FBXL22: variants seen among roughly 807,000 people sequenced by gnomAD.
FBXL22 encodes the protein F-box and leucine-rich protein 22.
In FBXL22, 13 loss-of-function variants were observed where a neutral mutation model predicts 11.7. The observed-to-expected ratio is 1.11, with a 90% CI of 0.73 to 1.77. The LOEUF (loss-of-function observed/expected upper bound fraction) is 1.77, where lower values mean the gene tolerates loss of function less well. Among genes scored for constraint, FBXL22 ranks in the 40% most tolerant of loss-of-function variants. FBXL22 has a pLI of 0.00. For synonymous variants in FBXL22, 160 were observed against 144.1 expected (o/e 1.11, Z -0.79); for missense variants, 406 against 320.4 (o/e 1.27, Z -2.04).
At chr15:63,607,057 CTTTT>C (rs71131174), downstream of FBXL22, among the ~76,000 whole-genome samples, 3,218 of 137,814 alleles carry the variant, frequency 0.023, 116 homozygotes, top group African/African-American at 0.078. Context: ...AGCACAGATG[CTTTT>C]TTTTTTTTTT....
At chr15:63,603,283 T>G (rs556767914), downstream of FBXL22, among the ~76,000 whole-genome samples, 4 of 152,306 alleles carry the variant, frequency 2.6e-5, no homozygotes, top group East Asian at 3.9e-4. Context: ...CTCAGCCCAT[T>G]TCTTGCATGC....
At chr15:63,602,422 A>C (rs2067384872), downstream of FBXL22, 1 of 151,788 alleles carries the variant, frequency 6.6e-6, no homozygotes, top group South Asian at 2.1e-4. Context: ...TCTGTACTAA[A>C]AAAAAATACA....
chr15:63,600,648 G>T (rs959232002), intron 1 of FBXL22, 49 bp from the exon 2 acceptor site: 57 of 1,231,058 alleles, frequency 4.6e-5, no homozygotes, highest in Non-Finnish European at 5.4e-5. Context: ...GGGCGGTTGG[G>T]TAGCTTTAAC....
chr15:63,601,450 G>A (rs753292194), downstream of FBXL22: 2 of 1,571,302 alleles, frequency 1.3e-6, no homozygotes, highest in East Asian at 4.6e-5. Context: ...CAGGGCTGCC[G>A]CGCGCAGGGG....
At chr15:63,603,248 C>T (rs2067394796), downstream of FBXL22, among the ~76,000 whole-genome samples, 1 of 152,086 alleles carries the variant, frequency 6.6e-6, no homozygotes, top group Non-Finnish European at 1.5e-5. Flanking sequence ...AGATAGCCAC[C>T]AGAACAAAAC....
Position 63,597,595 on chromosome 15 carries a change from G to C in FBXL22, c.203G>C (p.Gly68Ala), listed in dbSNP as rs767559820. 6.2e-7 allele frequency: 1 copy of C among 1,613,954 alleles called. No individual in the cohort carries two copies. Among genetic ancestry groups the C allele is most frequent in the Non-Finnish European group, 8.5e-7 (1 of 1,180,032 alleles). Residue 68 changes from glycine to alanine, a missense_variant, in exon 1 of 2, where the codon GGC becomes GCC. Coordinates refer to ENST00000638704, the MANE Select transcript of FBXL22 (RefSeq NM_001367807.1). This position sits in a 1 kb window ranked among gnomAD's most constrained non-coding sequence, Gnocchi z 4.3. ...CTCCAGAAGGACAACTTCCTCCTGG[G>C]CCCGGCACTCCGCAGCCTCTCCATC... ...TELQKDNFLL[G>A]PALRSLSICW... is the part of the protein sequence containing the mutation.
chr15:63,603,576 CCAG>C (rs2067397519), downstream of FBXL22, among the ~76,000 whole-genome samples: 1 of 152,200 alleles, frequency 6.6e-6, no homozygotes, highest in African/African-American at 2.4e-5. Flanking sequence ...CCAGAAGGAA[CCAG>C]GGCGCCATGC....
At chr15:63,601,368 A>T (rs2067368622), downstream of FBXL22, 1 of 1,604,230 alleles carries the variant, frequency 6.2e-7, no homozygotes, top group African/African-American at 1.3e-5. Context: ...TCGCCGTTGG[A>T]CCGAAATCAC....
At chr15:63,601,242 C>A, downstream of FBXL22, 1 of 1,508,692 alleles carries the variant, frequency 6.6e-7, no homozygotes, top group South Asian at 1.3e-5. Flanking sequence ...TTGGAAAACA[C>A]TCGGCTGGTT....
chr15:63,601,182 C>A lies in FBXL22; in HGVS notation c.*143C>A, dbSNP rs1342288662. Reference sequence around the variant, plus strand: ...TGCACAGTGGGGATAAGAAAGCCTACCTCACGTTACGATTTTATACATAGG... The same window carrying A: ...TGCACAGTGGGGATAAGAAAGCCTAACTCACGTTACGATTTTATACATAGG... On this transcript the variant is annotated 3_prime_UTR_variant, in exon 2 of 2. Transcript: ENST00000638704. 2.7e-6 allele frequency: 4 copies of A among 1,459,990 alleles called. No homozygotes were observed. The highest frequency in any genetic ancestry group is 1.4e-5 in the South Asian group (1 of 71,094). 90.4% of individuals were successfully genotyped at this position (1,459,990 alleles called of 1,614,324 possible).
downstream of FBXL22, among the ~76,000 whole-genome samples, chr15:63,603,703 C>T (rs1257955878): frequency 1.3e-5 from 2 of 152,242 alleles, no homozygotes; most frequent in African/African-American, 4.8e-5. Context: ...CAAAGGGCTC[C>T]GGGCTGGGGC....
In FBXL22 at chr15:63,600,435, C is replaced by T. The variant is rs760066196; in HGVS notation, c.354-262C>T. On this transcript the variant is annotated intron_variant, in intron 1 of 1. Transcript: ENST00000638704. ...CCCCAGGACTCTGCTGGGCCGGGGT[C>T]GGGGCTTCCCACTAGGGGCTCCCAA... The T allele has an allele frequency of 1.2e-5, 15 of 1,201,178 alleles. 1 individual carries two copies. The highest frequency in any genetic ancestry group is 4.7e-5 in the African/African-American group (3 of 63,734). 74.4% of individuals were successfully genotyped at this position (1,201,178 alleles called of 1,614,324 possible). A position where few individuals can be genotyped will look rare whatever the true frequency, so the allele number is the denominator to read the frequency against.
downstream of FBXL22, among the ~76,000 whole-genome samples, chr15:63,606,513 G>C (rs1193107844): frequency 6.6e-6 from 1 of 152,180 alleles, no homozygotes; most frequent in Non-Finnish European, 1.5e-5. Context: ...GCCCACTTCA[G>C]CTCCTCAGAT....
downstream of FBXL22, among the ~76,000 whole-genome samples, chr15:63,602,621 T>C (rs2152689143): frequency 7.0e-6 from 1 of 143,314 alleles, no homozygotes; most frequent in South Asian, 2.2e-4. Flanking sequence ...TGGTAGAAAG[T>C]ATTTGGAAAA....
downstream of FBXL22, among the ~76,000 whole-genome samples, chr15:63,606,988 G>A (rs1055855856): frequency 1.3e-5 from 2 of 151,740 alleles, no homozygotes; most frequent in African/African-American, 2.4e-5. Flanking sequence ...CAAGAGGGAC[G>A]CAGGAAGCGG....
At position 63,597,839 on chromosome 15, in the gene FBXL22, C is replaced by CGCCCCGAAGG; in HGVS notation, c.353+94_353+95insGCCCCGAAGG. Reference sequence around the variant, plus strand: ...AGAGCAAATTACGAGACCAAGATGGCTCCACCTTCGGGGCGCCTCAAACTA... The same window carrying CGCCCCGAAGG: ...AGAGCAAATTACGAGACCAAGATGGCGCCCCGAAGGTCCACCTTCGGGGCGCCTCAAACTA... On this transcript the variant is annotated intron_variant, in intron 1 of 1. Coordinates refer to ENST00000638704, the MANE Select transcript of FBXL22 (RefSeq NM_001367807.1). This position sits in a 1 kb window ranked among gnomAD's most constrained non-coding sequence, Gnocchi z 4.3. The CGCCCCGAAGG allele has an allele frequency of 7.9e-7, 1 of 1,257,982 alleles. No homozygotes were observed. Among genetic ancestry groups the CGCCCCGAAGG allele is most frequent in the Non-Finnish European group, 1.1e-6 (1 of 928,910 alleles). The allele number at this position is 1,257,982 out of a possible 1,614,324, so 77.9% of individuals were successfully genotyped here.
Position 63,601,073 on chromosome 15 carries a change from G to A in FBXL22, c.*34G>A, listed in dbSNP as rs1376660163. On this transcript the variant is annotated 3_prime_UTR_variant, in exon 2 of 2. Transcript: ENST00000638704. ...CCGCCGCTGCCCCCGGGGAAGGAGC[G>A]CAGCCCCAGACCGTCCTGGCTTCGA... 4.9e-6 allele frequency: 6 copies of A among 1,234,700 alleles called. No homozygotes were observed. The African/African-American group carries it at 6.2e-5, about 13-fold the overall frequency. The allele number at this position is 1,234,700 out of a possible 1,614,324, so 76.5% of individuals were successfully genotyped here.
chr15:63,599,577 A>C, intron 1 of FBXL22: 1 of 1,022,378 alleles, frequency 9.8e-7, no homozygotes, highest in Non-Finnish European at 1.2e-6. Flanking sequence ...CACAAACCTG[A>C]AGGAGGCCCG....
intron 1 of FBXL22, 60 bp from the exon 2 acceptor site, chr15:63,600,637 G>A: frequency 8.1e-7 from 1 of 1,230,980 alleles, no homozygotes; most frequent in East Asian, 3.2e-5. Flanking sequence ...TCGGTCCCAT[G>A]GGGCGGTTGG....
Sources: gnomAD v4.1 joint callset for allele counts (sites outside exome capture counted in the v4.1 genomes callset) on GRCh38, gnomAD v4.1.1 for gene constraint, Gnocchi (gnomAD v3.1) non-coding constraint, MANE v1.5 for transcripts, NCBI Gene and HGNC (gene_info 2026-07-23, HGNC 2026-07-21) for gene names.